Variants in WLS observed in about 807,000 individuals in gnomAD.
The protein encoded by WLS is Wnt ligand secretion mediator, also known as protein wntless homolog.
WLS carries 23 observed loss-of-function variants against 62.8 expected under a neutral mutation model. The ratio of observed to expected loss-of-function variants is 0.37; its 90% CI spans 0.26 to 0.52. The LOEUF (loss-of-function observed/expected upper bound fraction) is 0.52, where lower values mean the gene tolerates loss of function less well. WLS is among the 20% of genes least tolerant of loss of function. The probability of loss-of-function intolerance (pLI) is 0.92; values close to 1 mark genes in which losing one functional copy is unlikely to be tolerated. For synonymous variants in WLS, 246 were observed against 244.1 expected (o/e 1.01, Z -0.07); for missense variants, 615 against 697.3 (o/e 0.88, Z 1.33).
intron 11 of WLS, among the ~76,000 whole-genome samples, chr1:68,112,270 A>G (rs190391404): frequency 1.3e-5 from 2 of 152,322 alleles, no homozygotes; most frequent in East Asian, 3.9e-4. Flanking sequence ...CACTAGCTGT[A>G]CAACAGTACC....
chr1:68,174,034 C>G (rs1199431005), intron 2 of WLS, among the ~76,000 whole-genome samples: 1 of 152,194 alleles, frequency 6.6e-6, no homozygotes, highest in Non-Finnish European at 1.5e-5. Context: ...TCCCTTCAGT[C>G]CTAAAATGTT....
chr1:68,178,708 A>G (rs1439818523), intron 2 of WLS, among the ~76,000 whole-genome samples: 1 of 128,454 alleles, frequency 7.8e-6, no homozygotes, highest in Non-Finnish European at 1.7e-5. Flanking sequence ...TACATTTCAA[A>G]AAAAAAAAAA....
At chr1:68,229,106 G>A (rs1017018119) in intron 1 of WLS, among the ~76,000 whole-genome samples, 9 of 151,994 alleles carry the variant, frequency 5.9e-5, no homozygotes, top group South Asian at 4.2e-4. Context: ...GAACCGAAAG[G>A]GACCTTAAAC....
At chr1:68,129,014 C>G (rs2820485) in intron 11 of WLS, among the ~76,000 whole-genome samples, 145,147 of 152,000 alleles carry the variant, frequency 0.95, 69,504 homozygotes, top group South Asian at 0.99. Flanking sequence ...TCCACACACA[C>G]AGCATTACAG....
chr1:68,154,544 T>TA (rs1365776788), intron 4 of WLS, among the ~76,000 whole-genome samples: 2 of 151,864 alleles, frequency 1.3e-5, no homozygotes, highest in Non-Finnish European at 2.9e-5. Context: ...TTACTACGTA[T>TA]AAAAAAAAGC....
intron 2 of WLS, among the ~76,000 whole-genome samples, chr1:68,178,705 C>CAAAAAAAAAA (rs376126398): frequency 2.1e-4 from 23 of 108,208 alleles, no homozygotes; most frequent in South Asian, 6.2e-4. Flanking sequence ...GACTACATTT[C>CAAAAAAAAAA]AAAAAAAAAA....
At chr1:68,156,685 T>A (rs1341295580) in intron 3 of WLS, among the ~76,000 whole-genome samples, 2 of 152,194 alleles carry the variant, frequency 1.3e-5, no homozygotes, top group Non-Finnish European at 2.9e-5. Flanking sequence ...GTGAGATTTT[T>A]AAAAATTCTT....
At chr1:68,109,265 TCAA>T (rs1646188187) in intron 11 of WLS, among the ~76,000 whole-genome samples, 1 of 152,228 alleles carries the variant, frequency 6.6e-6, no homozygotes, top group Non-Finnish European at 1.5e-5. Flanking sequence ...CCTCTGGCTC[TCAA>T]CAAAAACAAA....
chr1:68,217,090 C>T (rs757898964), intron 1 of WLS, among the ~76,000 whole-genome samples: 9 of 152,120 alleles, frequency 5.9e-5, no homozygotes, highest in Non-Finnish European at 1.3e-4. Context: ...ACCCCAATTA[C>T]GTCCCTCCCT....
At chr1:68,187,333 G>C (rs1648023399) in intron 2 of WLS, among the ~76,000 whole-genome samples, 1 of 151,790 alleles carries the variant, frequency 6.6e-6, no homozygotes, top group Non-Finnish European at 1.5e-5. Flanking sequence ...GGTCCATCTT[G>C]TTAACTTTTT....
intron 2 of WLS, among the ~76,000 whole-genome samples, chr1:68,164,262 A>C (rs1050888891): frequency 6.7e-6 from 1 of 148,206 alleles, no homozygotes. Context: ...AAGAGATTTC[A>C]TTTTTTTTTT....
intron 1 of WLS, among the ~76,000 whole-genome samples, chr1:68,218,275 C>T (rs1173151669): frequency 2.0e-5 from 3 of 151,934 alleles, no homozygotes; most frequent in Admixed American, 1.3e-4. Flanking sequence ...ATTACTTTAA[C>T]ATCATTTTAT....
chr1:68,208,972 C>T (rs1052191603), intron 1 of WLS, among the ~76,000 whole-genome samples: 26 of 152,258 alleles, frequency 1.7e-4, no homozygotes, highest in African/African-American at 6.3e-4. Context: ...TTCTTGGCTG[C>T]CCGGTCCCCA....
At chr1:68,129,900 T>C (rs554255894) in intron 11 of WLS, among the ~76,000 whole-genome samples, 2 of 152,218 alleles carry the variant, frequency 1.3e-5, no homozygotes, top group African/African-American at 4.8e-5. Context: ...ATGCTTTAGT[T>C]TGCAGTAAAT....
At chr1:68,186,681 C>T (rs985965217) in intron 2 of WLS, 3 of 455,582 alleles carry the variant, frequency 6.6e-6, no homozygotes, top group African/African-American at 4.0e-5. Flanking sequence ...TAATGATAAA[C>T]AATATAAAAA....
At chr1:68,225,630 T>A (rs1243555874) in intron 1 of WLS, among the ~76,000 whole-genome samples, 4 of 152,226 alleles carry the variant, frequency 2.6e-5, no homozygotes, top group African/African-American at 7.2e-5. Flanking sequence ...GGGCTGCTGT[T>A]TGTAGGAGTC....
intron 1 of WLS, among the ~76,000 whole-genome samples, chr1:68,212,657 G>T (rs1649561730): frequency 6.6e-6 from 1 of 152,102 alleles, no homozygotes; most frequent in Non-Finnish European, 1.5e-5. Flanking sequence ...TTTTATTAAT[G>T]ATGTTTTTAT....
intron 11 of WLS, among the ~76,000 whole-genome samples, chr1:68,102,083 C>G (rs1258481768): frequency 6.6e-6 from 1 of 152,100 alleles, no homozygotes; most frequent in Non-Finnish European, 1.5e-5. Context: ...TCCTGGGAAG[C>G]AAGGGCAAGT....
chr1:68,181,651 C>T (rs762328873), intron 2 of WLS, among the ~76,000 whole-genome samples: 3 of 152,078 alleles, frequency 2.0e-5, no homozygotes, highest in Non-Finnish European at 1.5e-5. Flanking sequence ...TTGTTAGGTA[C>T]CATCTACCTA....
Sources: allele counts gnomAD v4.1 joint callset (sites outside exome capture counted in the v4.1 genomes callset), GRCh38; gene constraint gnomAD v4.1.1; transcripts MANE v1.5; gene names NCBI Gene and HGNC (gene_info 2026-07-23, HGNC 2026-07-21).